The following MCUB variants were observed in gnomAD, a reference collection of about 807,000 sequenced individuals.
The protein encoded by MCUB is mitochondrial calcium uniporter dominant negative subunit beta, also known as calcium uniporter regulatory subunit MCUb, mitochondrial.
A neutral mutation model predicts 41.4 loss-of-function variants in MCUB; 46 were observed. That is an observed-to-expected ratio of 1.11 (90% CI 0.88 to 1.42). The LOEUF (loss-of-function observed/expected upper bound fraction) is 1.42. Ranked by LOEUF, MCUB falls within the 40% of genes most tolerant of loss-of-function variation. The pLI, the probability that MCUB is intolerant of heterozygous loss-of-function variation, is 0.00. For synonymous variants in MCUB, 148 were observed against 148.2 expected, an observed-to-expected ratio of 1.00 and a Z score of 0.01; for missense variants, 403 against 404.9, an observed-to-expected ratio of 1.00 and a Z score of 0.04.
intron 4 of MCUB, among the ~76,000 whole-genome samples, chr4:109,665,561 T>G (rs769258975): frequency 6.6e-6 from 1 of 152,200 alleles, no homozygotes; most frequent in Non-Finnish European, 1.5e-5. Context: ...GCATTTAACC[T>G]CCATACTCCC....
intron 4 of MCUB, among the ~76,000 whole-genome samples, chr4:109,681,253 G>T (rs1420119702): frequency 6.6e-6 from 1 of 152,134 alleles, no homozygotes; most frequent in African/African-American, 2.4e-5. Flanking sequence ...TTTTAGAGTT[G>T]TGACAAGTCA....
Position 109,656,354 on chromosome 4 carries a change from C to CTTTTTTTTTTTTT in MCUB, c.100-2631_100-2619dup, listed in dbSNP as rs752851425. ...GAGGGGCTCTAACTTTTACTCTCTA[C>CTTTTTTTTTTTTT]TTTTTTTTTTTTTTTTTTTTTTTTT... On this transcript the variant is annotated intron_variant, in intron 1 of 7. Coordinates refer to ENST00000394650, the MANE Select transcript of MCUB (RefSeq NM_017918.5). Among the ~76,000 whole-genome samples the CTTTTTTTTTTTTT allele has an allele frequency of 1.9e-4, 12 of 62,116 alleles. 2 individuals are homozygous for CTTTTTTTTTTTTT. The highest frequency in any genetic ancestry group is 7.8e-4 in the Admixed American group (3 of 3,834). 40.8% of individuals were successfully genotyped at this position (62,116 alleles called of 152,430 possible). A position where few individuals can be genotyped will look rare whatever the true frequency, so the allele number is the denominator to read the frequency against.
At chr4:109,562,164 A>G (rs1726657303) in intron 1 of MCUB, among the ~76,000 whole-genome samples, 1 of 151,922 alleles carries the variant, frequency 6.6e-6, no homozygotes, top group Non-Finnish European at 1.5e-5. Context: ...CATATTTCCC[A>G]TCTGATGCTG....
intron 1 of MCUB, among the ~76,000 whole-genome samples, chr4:109,592,516 C>G (rs1039764854): frequency 2.0e-5 from 3 of 152,040 alleles, no homozygotes; most frequent in Non-Finnish European, 2.9e-5. Context: ...AAACCAACAA[C>G]TCCAGTGCCA....
intron 1 of MCUB, among the ~76,000 whole-genome samples, chr4:109,621,813 G>T (rs1374276283): frequency 6.6e-6 from 1 of 152,172 alleles, no homozygotes; most frequent in Non-Finnish European, 1.5e-5. Context: ...AATGACTAGT[G>T]TACTTACACC....
At chr4:109,632,807 G>A (rs1166726875) in intron 1 of MCUB, among the ~76,000 whole-genome samples, 1 of 151,994 alleles carries the variant, frequency 6.6e-6, no homozygotes, top group Non-Finnish European at 1.5e-5. Context: ...TAGAGACAGG[G>A]TTTCGCCATG....
At chr4:109,683,983 G>A (rs1346307676) in intron 5 of MCUB, among the ~76,000 whole-genome samples, 1 of 151,930 alleles carries the variant, frequency 6.6e-6, no homozygotes, top group Non-Finnish European at 1.5e-5. Flanking sequence ...ACTCATTCAT[G>A]TATGTTTCAT....
At chr4:109,667,757 AT>A (rs2126146721) in intron 4 of MCUB, among the ~76,000 whole-genome samples, 1 of 151,038 alleles carries the variant, frequency 6.6e-6, no homozygotes, top group African/African-American at 2.4e-5. Flanking sequence ...GATCTTATAG[AT>A]GTTTATTCTT....
intron 1 of MCUB, among the ~76,000 whole-genome samples, chr4:109,568,082 A>G (rs1561211291): frequency 1.3e-5 from 2 of 151,912 alleles, no homozygotes; most frequent in Admixed American, 1.3e-4. Context: ...GGGGGGGAAA[A>G]ATTATTTTAG....
intron 1 of MCUB, among the ~76,000 whole-genome samples, chr4:109,612,565 C>T (rs991423204): frequency 8.5e-5 from 13 of 152,144 alleles, no homozygotes; most frequent in African/African-American, 3.1e-4. Context: ...CACACCCAGC[C>T]TCCTCCTCTT....
chr4:109,616,330 T>G (rs1030047736), intron 1 of MCUB, among the ~76,000 whole-genome samples: 4 of 152,232 alleles, frequency 2.6e-5, no homozygotes, highest in African/African-American at 9.6e-5. Flanking sequence ...GCCTTTATTA[T>G]GTATACTGTC....
chr4:109,581,880 C>T (rs1342862409), intron 1 of MCUB, among the ~76,000 whole-genome samples: 1 of 152,144 alleles, frequency 6.6e-6, no homozygotes, highest in African/African-American at 2.4e-5. Context: ...CAGGAAACAA[C>T]AGGTGCTGGA....
intron 1 of MCUB, among the ~76,000 whole-genome samples, chr4:109,637,809 A>G (rs1728627500): frequency 6.6e-6 from 1 of 152,210 alleles, no homozygotes; most frequent in African/African-American, 2.4e-5. Flanking sequence ...TACTTGGGTA[A>G]TGAATGCACC....
At position 109,688,156 on chromosome 4, in the gene MCUB, G is replaced by A. The variant is rs560109289; in HGVS notation, c.*564G>A. The A allele has an allele frequency of 2.6e-5, 4 of 152,288 alleles. No homozygotes were observed. The highest frequency in any genetic ancestry group is 5.9e-5 in the Non-Finnish European group (4 of 68,064). The allele number at this position is 152,288 out of a possible 1,614,324, so 9.4% of individuals were successfully genotyped here. On this transcript the variant is annotated 3_prime_UTR_variant, in exon 8 of 8. Coordinates refer to ENST00000394650, the MANE Select transcript of MCUB (RefSeq NM_017918.5). ...TTCAACTGAAACAGTGTATATAAAC[G>A]ATTGCTTTTGAACCTGCAAATCACA...
Position 109,672,700 on chromosome 4 carries a change from C to CTG in MCUB, c.451+8306_451+8307insTG, listed in dbSNP as rs1445326830. On this transcript the variant is annotated intron_variant, in intron 4 of 7. Coordinates refer to ENST00000394650, the MANE Select transcript of MCUB (RefSeq NM_017918.5). ...GCCAAATTCTAGATCAGGCAAGAGC[C>CTG]ATCAACAGGGAGGGAATTTAGATAA... 5.9e-5 allele frequency among the ~76,000 whole-genome samples: 9 copies of CTG among 152,104 alleles called. 1 individual carries two copies. Among genetic ancestry groups the CTG allele is most frequent in the Non-Finnish European group, 1.3e-4 (9 of 68,020 alleles).
chr4:109,630,393 T>TG (rs1410522995), intron 1 of MCUB, among the ~76,000 whole-genome samples: 1 of 152,106 alleles, frequency 6.6e-6, no homozygotes, highest in Admixed American at 6.5e-5. Context: ...GCCCAGGAGT[T>TG]GGAGGCTGCA....
chr4:109,588,207 A>G (rs948597718), intron 1 of MCUB, among the ~76,000 whole-genome samples: 25 of 152,338 alleles, frequency 1.6e-4, no homozygotes, highest in African/African-American at 5.1e-4. Context: ...TGACAAGAAT[A>G]TATCTTTAAC....
intron 1 of MCUB, chr4:109,561,100 A>G (rs1726617766): frequency 6.6e-6 from 1 of 152,578 alleles, no homozygotes; most frequent in South Asian, 2.1e-4. Context: ...GATGTGCACC[A>G]AAAAAGACTA....
intron 1 of MCUB, among the ~76,000 whole-genome samples, chr4:109,561,420 A>G (rs1247860725): frequency 6.6e-6 from 1 of 151,464 alleles, no homozygotes; most frequent in South Asian, 2.1e-4. Context: ...TTCAGTTTCA[A>G]TTGATGCAGG....
Sources: allele counts gnomAD v4.1 joint callset (sites outside exome capture counted in the v4.1 genomes callset), GRCh38; gene constraint gnomAD v4.1.1; transcripts MANE v1.5; gene names NCBI Gene and HGNC (gene_info 2026-07-23, HGNC 2026-07-21).